The following KCNH1 variants were observed in gnomAD, a reference collection of about 807,000 sequenced individuals.
KCNH1 encodes the protein potassium voltage-gated channel subfamily H member 1.
In KCNH1, 27 loss-of-function variants were observed where a neutral mutation model predicts 69.2. The ratio of observed to expected loss-of-function variants is 0.39; its 90% CI spans 0.29 to 0.54. The LOEUF (loss-of-function observed/expected upper bound fraction) is 0.54, where lower values mean the gene tolerates loss of function less well. Ranked by LOEUF, KCNH1 falls within the 20% of genes least tolerant of loss-of-function variation. KCNH1 has a pLI of 0.68. For synonymous variants in KCNH1, 456 were observed against 487.7 expected, an observed-to-expected ratio of 0.93 and a Z score of 0.86; for missense variants, 798 against 1,261.6, an observed-to-expected ratio of 0.63 and a Z score of 5.57.
rs558812425 is a variant in KCNH1 at position 211,127,610 on chromosome 1, T to A, written c.79+6257A>T. 2.6e-5 allele frequency among the ~76,000 whole-genome samples: 4 copies of A among 152,304 alleles called. No homozygotes were observed. In the East Asian group the frequency reaches 7.7e-4, roughly 29 times the overall value. ...GAGCAAGTTTTGTTTTCATTTAATT[T>A]TGGTCATGTGCTCCTATTAACATAA... On this transcript the variant is annotated intron_variant, in intron 1 of 10. Transcript: ENST00000271751.
intron 7 of KCNH1, chr1:210,860,301 G>C: frequency 2.2e-6 from 3 of 1,346,004 alleles, no homozygotes; most frequent in Non-Finnish European, 3.2e-6. Flanking sequence ...GACATGTCAG[G>C]CTATGCGCTA....
At chr1:210,699,152 G>A (rs1329809331) in intron 10 of KCNH1, among the ~76,000 whole-genome samples, 1 of 152,184 alleles carries the variant, frequency 6.6e-6, no homozygotes, top group Non-Finnish European at 1.5e-5. Context: ...GCTCTGTGGA[G>A]TAGGCATGTG....
chr1:210,715,759 C>G (rs986964723), intron 10 of KCNH1, among the ~76,000 whole-genome samples: 1 of 152,144 alleles, frequency 6.6e-6, no homozygotes, highest in African/African-American at 2.4e-5. Flanking sequence ...GTGTGACCTT[C>G]TGTGGGGCCT....
intron 10 of KCNH1, among the ~76,000 whole-genome samples, chr1:210,735,680 T>G (rs1287258090): frequency 2.0e-5 from 3 of 151,986 alleles, no homozygotes; most frequent in Non-Finnish European, 4.4e-5. Context: ...GATGCAGGGT[T>G]TTTACTTGCC....
At chr1:210,708,350 C>A (rs1681966398) in intron 10 of KCNH1, among the ~76,000 whole-genome samples, 1 of 152,078 alleles carries the variant, frequency 6.6e-6, no homozygotes, top group Non-Finnish European at 1.5e-5. Context: ...ATCCTCCCAG[C>A]CAGAAGTGTA....
In KCNH1 at chr1:210,975,331, C is replaced by A. The variant is rs543644627; in HGVS notation, c.1032+43452G>T. Among the ~76,000 whole-genome samples, 3 of 152,322 alleles carry A rather than the reference C, an allele frequency of 2.0e-5. No homozygotes were observed. In the South Asian group the frequency reaches 6.2e-4, roughly 32 times the overall value. On this transcript the variant is annotated intron_variant, in intron 6 of 10. Coordinates refer to ENST00000271751, the MANE Select transcript of KCNH1 (RefSeq NM_172362.3). ...AAAGAACAAAGCTGGAGGCATCACA[C>A]TACCTGACTTCAAACTATGCTACAA...
chr1:210,948,045 TAA>T (rs34741110), intron 6 of KCNH1, among the ~76,000 whole-genome samples: 4 of 139,566 alleles, frequency 2.9e-5, no homozygotes, highest in African/African-American at 5.3e-5. Context: ...CCATCCCTAT[TAA>T]AAAAAAAAAA....
At chr1:210,845,118 G>A (rs926205492) in intron 7 of KCNH1, among the ~76,000 whole-genome samples, 2 of 152,150 alleles carry the variant, frequency 1.3e-5, no homozygotes, top group African/African-American at 4.8e-5. Context: ...TCCAGGACCA[G>A]ATGGATTCAC....
chr1:211,065,288 C>A (rs1045163176), intron 5 of KCNH1, among the ~76,000 whole-genome samples: 4 of 152,084 alleles, frequency 2.6e-5, no homozygotes, highest in African/African-American at 9.7e-5. Context: ...TATACTACAA[C>A]GGAATATTCA....
intron 5 of KCNH1, among the ~76,000 whole-genome samples, chr1:211,020,929 C>T (rs759298110): frequency 4.0e-5 from 5 of 124,230 alleles, no homozygotes; most frequent in South Asian, 2.9e-4. Context: ...TGATAAAATT[C>T]GATATCCTTT....
chr1:211,126,042 A>T (rs1330129987), intron 1 of KCNH1, among the ~76,000 whole-genome samples: 1 of 152,216 alleles, frequency 6.6e-6, no homozygotes, highest in African/African-American at 2.4e-5. Flanking sequence ...GAGATGCTGA[A>T]GTTGGCCAGA....
At chr1:210,986,819 G>T (rs987723850) in intron 6 of KCNH1, among the ~76,000 whole-genome samples, 1 of 152,160 alleles carries the variant, frequency 6.6e-6, no homozygotes, top group Non-Finnish European at 1.5e-5. Context: ...TCCTGAATTT[G>T]AATGTTGGCC....
rs541752060 is a variant in KCNH1 at position 210,679,052 on chromosome 1, G to A, written c.*4229C>T. 1.3e-5 allele frequency: 2 copies of A among 152,334 alleles called. No individual in the cohort carries two copies. Among genetic ancestry groups the A allele is most frequent in the East Asian group, 3.9e-4 (2 of 5,188 alleles). The allele number at this position is 152,334 out of a possible 1,614,324, so 9.4% of individuals were successfully genotyped here. On this transcript the variant is annotated 3_prime_UTR_variant, in exon 11 of 11. Transcript: ENST00000271751. ...CATTGATTCTTTTGAGCTGTAGGGG[G>A]TAGAAATTAAAACTTCTCAACATGA...
chr1:210,860,760 A>C, intron 7 of KCNH1: 1 of 796,672 alleles, frequency 1.3e-6, no homozygotes, highest in Non-Finnish European at 2.3e-6. Flanking sequence ...TGTCTCTGTC[A>C]TCAATCAGAC....
At chr1:210,937,007 T>C (rs985579601) in intron 6 of KCNH1, among the ~76,000 whole-genome samples, 3 of 152,174 alleles carry the variant, frequency 2.0e-5, no homozygotes, top group Admixed American at 2.0e-4. Context: ...TTTTGTATCA[T>C]ACTAGACTCT....
At chr1:211,014,146 G>A (rs1409396706) in intron 6 of KCNH1, among the ~76,000 whole-genome samples, 1 of 152,150 alleles carries the variant, frequency 6.6e-6, no homozygotes, top group African/African-American at 2.4e-5. Flanking sequence ...GGAGATAACA[G>A]CTCCCTTTTC....
chr1:210,948,591 A>C (rs1292031232), intron 6 of KCNH1, among the ~76,000 whole-genome samples: 1 of 152,088 alleles, frequency 6.6e-6, no homozygotes, highest in African/African-American at 2.4e-5. Context: ...GCACTTTGGG[A>C]GGCTGAGGCG....
In KCNH1 at chr1:210,973,082, C is replaced by T. The variant is rs186330037; in HGVS notation, c.1032+45701G>A. ...AATGACTCTTCCTCATTCTGTAGCA[C>T]CCACATGCATATGATTCCCATAGCT... On this transcript the variant is annotated intron_variant, in intron 6 of 10. Transcript: ENST00000271751. 4.3e-3 allele frequency among the ~76,000 whole-genome samples: 661 copies of T among 152,148 alleles called. 2 individuals carry two copies. Among genetic ancestry groups the T allele is most frequent in the Admixed American group, 8.1e-3 (123 of 15,256 alleles).
chr1:210,861,974 G>T (rs1253306365), intron 7 of KCNH1: 7 of 758,158 alleles, frequency 9.2e-6, no homozygotes, highest in Non-Finnish European at 1.5e-5. Context: ...ACCCTGATGA[G>T]CTCAGGAGGA....
Sources: allele counts gnomAD v4.1 joint callset (sites outside exome capture counted in the v4.1 genomes callset), GRCh38; gene constraint gnomAD v4.1.1; transcripts MANE v1.5; gene names NCBI Gene and HGNC (gene_info 2026-07-23, HGNC 2026-07-21).